Variants in ABHD2 observed in about 807,000 individuals in gnomAD.
ABHD2 encodes the protein monoacylglycerol lipase ABHD2.
In ABHD2, 20 loss-of-function variants were observed where a neutral mutation model predicts 48.1. The observed-to-expected ratio is 0.42, with a 90% CI of 0.29 to 0.60. The LOEUF (loss-of-function observed/expected upper bound fraction) is 0.60. Ranked by LOEUF, ABHD2 falls within the 20% of genes least tolerant of loss-of-function variation. The pLI is 0.24. For synonymous variants in ABHD2, 209 were observed against 214.2 expected, an observed-to-expected ratio of 0.98 and a Z score of 0.21; for missense variants, 405 against 550.9, an observed-to-expected ratio of 0.74 and a Z score of 2.65.
At position 89,195,445 on chromosome 15, in the gene ABHD2, T is replaced by C; in HGVS notation, c.*22T>C. 6 of 1,607,654 alleles carry C rather than the reference T, an allele frequency of 3.7e-6. No homozygotes were observed. Among genetic ancestry groups the C allele is most frequent in the Non-Finnish European group, 5.1e-6 (6 of 1,176,896 alleles). On this transcript the variant is annotated 3_prime_UTR_variant, in exon 11 of 11. Transcript: ENST00000352732. This position sits in a 1 kb window ranked among gnomAD's most constrained non-coding sequence, Gnocchi z 5.1. The stretch of plus-strand genomic sequence containing the variant: ...GTGAGGCCTCCGGACTCTGGCACGC[T>C]CCAGCAGCCCTCCTCTGGAAGCTGC...
chr15:89,079,119 A>G, the ABHD2 span, among the ~76,000 whole-genome samples: 1 of 152,210 alleles, frequency 6.6e-6, no homozygotes, highest in Admixed American at 6.5e-5. The surrounding 1 kb of genome is among the most constrained non-coding windows in gnomAD (Gnocchi z 4.3). Flanking sequence ...AGACAAATGC[A>G]TATTAGATTT....
At chr15:89,070,853 AG>A in the ABHD2 span, among the ~76,000 whole-genome samples, 2 of 152,102 alleles carry the variant, frequency 1.3e-5, no homozygotes, top group Admixed American at 1.3e-4. Flanking sequence ...ATTAGGTCTT[AG>A]TCCTGCCCCT....
chr15:89,087,315 G>A (rs1474699004), upstream of ABHD2: 2 of 152,244 alleles, frequency 1.3e-5, no homozygotes, highest in Non-Finnish European at 2.9e-5. This position sits in a 1 kb window ranked among gnomAD's most constrained non-coding sequence, Gnocchi z 5.5. Context: ...TCCCTTCTCT[G>A]ACTAAATCGC....
upstream of ABHD2, among the ~76,000 whole-genome samples, chr15:89,086,136 T>C (rs566411893): frequency 6.6e-6 from 1 of 152,146 alleles, no homozygotes; most frequent in African/African-American, 2.4e-5. Flanking sequence ...CAAACGATTA[T>C]CCTGCCTCAG....
the ABHD2 span, among the ~76,000 whole-genome samples, chr15:89,076,870 T>G: frequency 1.3e-5 from 2 of 152,196 alleles, no homozygotes; most frequent in African/African-American, 4.8e-5. Flanking sequence ...ATTTATAATT[T>G]TATAAGGTCC....
Position 89,120,225 on chromosome 15 carries a change from G to C in ABHD2, c.194+3704G>C, listed in dbSNP as rs1206608469. Among the ~76,000 whole-genome samples the C allele has an allele frequency of 3.3e-5, 5 of 152,112 alleles. No individual in the cohort carries two copies. The highest frequency in any genetic ancestry group is 2.0e-4 in the Admixed American group (3 of 15,268). On this transcript the variant is annotated intron_variant, in intron 3 of 10. Coordinates refer to ENST00000352732, the MANE Select transcript of ABHD2 (RefSeq NM_152924.5). This position sits in a 1 kb window ranked among gnomAD's most constrained non-coding sequence, Gnocchi z 4.2. ...TTATAAATTAATCTTTTAATGTCTG[G>C]AGGAAAACTTTGCTTCAGTGGGATG... is the stretch of plus-strand genomic sequence containing the variant.
Position 89,092,622 on chromosome 15 carries a change from C to T in ABHD2, c.-107+4059C>T, listed in dbSNP as rs1901641156. Among the ~76,000 whole-genome samples, 1 of 152,164 alleles carries T rather than the reference C, an allele frequency of 6.6e-6. No individual in the cohort carries two copies. The highest frequency in any genetic ancestry group is 2.1e-4 in the South Asian group (1 of 4,832). On this transcript the variant is annotated intron_variant, in intron 1 of 10. Transcript: ENST00000352732. This position sits in a 1 kb window ranked among gnomAD's most constrained non-coding sequence, Gnocchi z 4.4. Reference sequence around the variant, plus strand: ...GATCCTCAGAGGCAACCAGTATTAGCGATTTCTTCATCCTCCAGAAGTGGT... The same window carrying T: ...GATCCTCAGAGGCAACCAGTATTAGTGATTTCTTCATCCTCCAGAAGTGGT...
At chr15:89,127,394 G>T (rs1201757822) in intron 3 of ABHD2, among the ~76,000 whole-genome samples, 1 of 152,048 alleles carries the variant, frequency 6.6e-6, no homozygotes, top group Non-Finnish European at 1.5e-5. Context: ...TAGCCTCCCA[G>T]GAAGGGAGAG....
chr15:89,162,894 G>T (rs2050783685), intron 5 of ABHD2, among the ~76,000 whole-genome samples: 1 of 152,196 alleles, frequency 6.6e-6, no homozygotes, highest in Non-Finnish European at 1.5e-5. Flanking sequence ...CTAGAATCCT[G>T]CTTGGACCCT....
the ABHD2 span, among the ~76,000 whole-genome samples, chr15:89,074,719 C>T: frequency 2.0e-5 from 3 of 152,176 alleles, no homozygotes; most frequent in Non-Finnish European, 2.9e-5. Context: ...CTGTCTCCAA[C>T]CCCTCCCCAA....
chr15:89,047,852 A>C, the ABHD2 span, among the ~76,000 whole-genome samples: 3 of 146,002 alleles, frequency 2.1e-5, no homozygotes, highest in Non-Finnish European at 4.5e-5. Flanking sequence ...TCTTTATCCA[A>C]TTTGCCAGTC....
At chr15:89,138,229 T>C (rs1460952895) in intron 3 of ABHD2, among the ~76,000 whole-genome samples, 2 of 152,242 alleles carry the variant, frequency 1.3e-5, no homozygotes, top group East Asian at 1.9e-4. Context: ...CACACATGCA[T>C]GCACATGCAC....
the ABHD2 span, among the ~76,000 whole-genome samples, chr15:89,059,881 C>T: frequency 9.2e-5 from 14 of 152,098 alleles, no homozygotes; most frequent in African/African-American, 2.4e-4. Context: ...CCACTGTCCC[C>T]TGCCCAGGCC....
chr15:89,158,539 C>G (rs1388547577), intron 5 of ABHD2, among the ~76,000 whole-genome samples: 1 of 152,208 alleles, frequency 6.6e-6, no homozygotes, highest in Non-Finnish European at 1.5e-5. Context: ...GGATCCGATG[C>G]CCCAGCACTG....
At chr15:89,085,693 G>C (rs1453668434), upstream of ABHD2, among the ~76,000 whole-genome samples, 1 of 152,170 alleles carries the variant, frequency 6.6e-6, no homozygotes, top group Non-Finnish European at 1.5e-5. The surrounding 1 kb of genome is among the most constrained non-coding windows in gnomAD (Gnocchi z 4.2). Flanking sequence ...CTATGTTCCT[G>C]AGATGGGAGA....
At chr15:89,163,584 A>G (rs1334460539) in intron 5 of ABHD2, among the ~76,000 whole-genome samples, 2 of 152,198 alleles carry the variant, frequency 1.3e-5, no homozygotes, top group African/African-American at 4.8e-5. Context: ...CCTTCAATCA[A>G]TGTGATTCTT....
At position 89,179,896 on chromosome 15, in the gene ABHD2, T is replaced by C. The variant is rs1596151405; in HGVS notation, c.722+3901T>C. 6.6e-6 allele frequency among the ~76,000 whole-genome samples: 1 copy of C among 152,254 alleles called. No individual in the cohort carries two copies. The highest frequency in any genetic ancestry group is 2.1e-4 in the South Asian group (1 of 4,832). On this transcript the variant is annotated intron_variant, in intron 6 of 10. Coordinates refer to ENST00000352732, the MANE Select transcript of ABHD2 (RefSeq NM_152924.5). The surrounding 1 kb of genome is among the most constrained non-coding windows in gnomAD (Gnocchi z 4.3). ...TCCTAGCATTCTTTGAGCAAGGCCT[T>C]CCTGCCATGGGGAAGAGGCAGGTAC...
intron 5 of ABHD2, among the ~76,000 whole-genome samples, chr15:89,156,933 C>G (rs914530364): frequency 6.6e-6 from 1 of 152,182 alleles, no homozygotes; most frequent in Non-Finnish European, 1.5e-5. Context: ...TATCTATCAT[C>G]TCACCATAAC....
intron 3 of ABHD2, among the ~76,000 whole-genome samples, chr15:89,128,472 G>A (rs538608175): frequency 2.0e-5 from 3 of 152,294 alleles, no homozygotes; most frequent in East Asian, 3.9e-4. Flanking sequence ...ACATATCCAC[G>A]TTGTCAATGC....
Sources: allele counts gnomAD v4.1 joint callset (sites outside exome capture counted in the v4.1 genomes callset), GRCh38; gene constraint gnomAD v4.1.1; non-coding constraint Gnocchi (gnomAD v3.1); transcripts MANE v1.5; gene names NCBI Gene and HGNC (gene_info 2026-07-23, HGNC 2026-07-21).